LRP1B: variants seen among roughly 807,000 people sequenced by gnomAD.
LRP1B encodes the protein LDL receptor related protein 1B, also known as low-density lipoprotein receptor-related protein 1B.
In LRP1B, 217 loss-of-function variants were observed where a neutral mutation model predicts 556.6. That is an observed-to-expected ratio of 0.39 (90% CI 0.35 to 0.44). LRP1B has a LOEUF of 0.44. LRP1B is among the 20% of genes least tolerant of loss of function. The probability of loss-of-function intolerance (pLI) is 1.00; values close to 1 mark genes in which losing one functional copy is unlikely to be tolerated. For missense variants in LRP1B, 5,053 were observed against 5,620.8 expected (o/e 0.90, Z 3.23); for synonymous variants, 2,047 against 1,865.8 (o/e 1.10, Z -2.50).
intron 2 of LRP1B, among the ~76,000 whole-genome samples, chr2:141,549,625 G>A (rs1401537989): frequency 1.3e-5 from 2 of 152,154 alleles, no homozygotes; most frequent in East Asian, 3.9e-4. Context: ...TTAGTAGCCA[G>A]TGTTTGCGAA....
At chr2:140,369,107 C>T (rs1034615458) in intron 71 of LRP1B, among the ~76,000 whole-genome samples, 1 of 151,716 alleles carries the variant, frequency 6.6e-6, no homozygotes, top group Admixed American at 6.6e-5. Context: ...GGCTAGGATA[C>T]AAATCATAAA....
intron 1 of LRP1B, among the ~76,000 whole-genome samples, chr2:141,847,518 AT>A (rs1697694130): frequency 6.6e-6 from 1 of 151,492 alleles, no homozygotes; most frequent in Admixed American, 6.6e-5. Flanking sequence ...AAAATTGATT[AT>A]TTTTTTCCTA....
chr2:141,001,911 T>C (rs1697437008), intron 15 of LRP1B, among the ~76,000 whole-genome samples: 1 of 152,102 alleles, frequency 6.6e-6, no homozygotes. Context: ...TGGTAGAAAC[T>C]GAAAAATTAA....
chr2:141,241,941 T>TA (rs796383932), intron 5 of LRP1B, among the ~76,000 whole-genome samples: 3,539 of 144,522 alleles, frequency 0.024, 124 homozygotes, highest in African/African-American at 0.082. Flanking sequence ...AAAAATAATG[T>TA]AAAAAAAAAA....
At chr2:140,531,082 A>G (rs576884877) in intron 47 of LRP1B, among the ~76,000 whole-genome samples, 2 of 152,254 alleles carry the variant, frequency 1.3e-5, no homozygotes, top group Admixed American at 1.3e-4. Context: ...ACCCAAACAC[A>G]CTAATTCATT....
intron 2 of LRP1B, among the ~76,000 whole-genome samples, chr2:141,707,721 A>G (rs1692196402): frequency 6.6e-6 from 1 of 152,160 alleles, no homozygotes; most frequent in South Asian, 2.1e-4. Context: ...TGTGCAGTCT[A>G]GTTAGAGTGA....
At chr2:140,976,503 C>CTTTTTTTTTTTTTTTTTTTTTTT (rs1216208854) in intron 18 of LRP1B, among the ~76,000 whole-genome samples, 1 of 105,356 alleles carries the variant, frequency 9.5e-6, no homozygotes, top group African/African-American at 4.0e-5. Context: ...TTTTTTTTTC[C>CTTTTTTTTTTTTTTTTTTTTTTT]TTTTTTTTTT....
At chr2:141,602,465 A>G (rs1049276739) in intron 2 of LRP1B, among the ~76,000 whole-genome samples, 1 of 152,208 alleles carries the variant, frequency 6.6e-6, no homozygotes, top group Non-Finnish European at 1.5e-5. Context: ...AATTTAAACA[A>G]TATTTAGAAA....
intron 86 of LRP1B, among the ~76,000 whole-genome samples, chr2:140,268,148 A>C (rs1400501776): frequency 6.6e-6 from 1 of 152,020 alleles, no homozygotes; most frequent in Non-Finnish European, 1.5e-5. Flanking sequence ...CTGGTGTTCT[A>C]AAATAGAAAT....
chr2:142,125,858 AACCTTCTTATTTGACCTTTC>A (rs1707627601), intron 1 of LRP1B, among the ~76,000 whole-genome samples: 2 of 151,848 alleles, frequency 1.3e-5, no homozygotes, highest in South Asian at 4.1e-4. Flanking sequence ...CCAAAAGAAA[AACCTTCTTATTTGACCTTTC>A]TATGCATCAA....
intron 2 of LRP1B, among the ~76,000 whole-genome samples, chr2:141,665,344 ATAAT>A (rs1274992598): frequency 6.6e-6 from 1 of 152,206 alleles, no homozygotes; most frequent in African/African-American, 2.4e-5. Context: ...AACATCACTG[ATAAT>A]TAGAGAAATG....
intron 83 of LRP1B, among the ~76,000 whole-genome samples, chr2:140,305,142 C>CT (rs1276049590): frequency 1.3e-5 from 2 of 152,080 alleles, no homozygotes; most frequent in Non-Finnish European, 2.9e-5. Context: ...AATGTGGGCT[C>CT]TTTTTTGGTT....
At chr2:141,853,637 T>C (rs1481243732) in intron 1 of LRP1B, among the ~76,000 whole-genome samples, 1 of 151,856 alleles carries the variant, frequency 6.6e-6, no homozygotes, top group Non-Finnish European at 1.5e-5. Context: ...TATTTAAGCT[T>C]AAGTTTTTGC....
intron 9 of LRP1B, among the ~76,000 whole-genome samples, chr2:141,055,479 A>G (rs749508076): frequency 6.6e-6 from 1 of 151,990 alleles, no homozygotes; most frequent in African/African-American, 2.4e-5. Flanking sequence ...CATTTAAAAA[A>G]AATTCTAAGA....
At chr2:142,093,069 C>T (rs544124000) in intron 1 of LRP1B, among the ~76,000 whole-genome samples, 2 of 152,214 alleles carry the variant, frequency 1.3e-5, no homozygotes, top group Non-Finnish European at 2.9e-5. Flanking sequence ...CTGTCTGGTA[C>T]TTTCACATTC....
chr2:140,701,862 C>A lies in LRP1B; in HGVS notation c.6303-17G>T, dbSNP rs1356749792. 2.5e-6 allele frequency: 4 copies of A among 1,612,284 alleles called. No homozygotes were observed. Among genetic ancestry groups the A allele is most frequent in the Non-Finnish European group, 2.5e-6 (3 of 1,179,100 alleles). ...GCATGTGCTCTGCCAAAAAGTTGAACATACATGATCAACAATCTTCGACTA... is the reference window on the plus strand; with the variant it reads ...GCATGTGCTCTGCCAAAAAGTTGAAAATACATGATCAACAATCTTCGACTA... On this transcript the variant is annotated splice_polypyrimidine_tract_variant and intron_variant, in intron 39 of 90. Transcript: ENST00000389484.
At chr2:140,589,674 G>A (rs1682137552) in intron 43 of LRP1B, among the ~76,000 whole-genome samples, 1 of 152,096 alleles carries the variant, frequency 6.6e-6, no homozygotes, top group Admixed American at 6.6e-5. Context: ...TTTACTGAAT[G>A]GAAAGGGTCA....
At chr2:141,882,842 G>C (rs755412452) in intron 1 of LRP1B, among the ~76,000 whole-genome samples, 4 of 152,110 alleles carry the variant, frequency 2.6e-5, no homozygotes, top group African/African-American at 7.2e-5. Flanking sequence ...CAAAGTGCAG[G>C]GGTTATAGGC....
At position 141,878,559 on chromosome 2, in the gene LRP1B, T is replaced by C. The variant is rs563965927; in HGVS notation, c.83-68158A>G. Among the ~76,000 whole-genome samples the C allele has an allele frequency of 3.3e-5, 5 of 152,114 alleles. No homozygotes were observed. The East Asian group carries it at 7.7e-4, about 24-fold the overall frequency. ...AAAGGAAGAAAGACAGAAAAGAGTTTAACCAGTTTGGTATATTTCAAAAGA... is the reference window on the plus strand; with the variant it reads ...AAAGGAAGAAAGACAGAAAAGAGTTCAACCAGTTTGGTATATTTCAAAAGA... On this transcript the variant is annotated intron_variant, in intron 1 of 90. Coordinates refer to ENST00000389484, the MANE Select transcript of LRP1B (RefSeq NM_018557.3).
Sources: allele counts gnomAD v4.1 joint callset (sites outside exome capture counted in the v4.1 genomes callset), GRCh38; gene constraint gnomAD v4.1.1; transcripts MANE v1.5; gene names NCBI Gene and HGNC (gene_info 2026-07-23, HGNC 2026-07-21).